Variants in ZZZ3 observed in about 807,000 individuals in gnomAD.
The protein encoded by ZZZ3 is ZZ-type zinc finger-containing protein 3.
In ZZZ3, 22 loss-of-function variants were observed where a neutral mutation model predicts 95.2. That is an observed-to-expected ratio of 0.23 (90% CI 0.17 to 0.33). ZZZ3 has a LOEUF of 0.33. Ranked by LOEUF, ZZZ3 falls within the 10% of genes least tolerant of loss-of-function variation. ZZZ3 has a pLI of 1.00. For missense variants in ZZZ3, 885 were observed against 1,066.5 expected (o/e 0.83, Z 2.37); for synonymous variants, 335 against 358.9 (o/e 0.93, Z 0.75).
At chr1:77,577,235 C>G (rs187824558) in intron 11 of ZZZ3, among the ~76,000 whole-genome samples, 1 of 152,174 alleles carries the variant, frequency 6.6e-6, no homozygotes, top group Non-Finnish European at 1.5e-5. Flanking sequence ...AGCCAAAATA[C>G]AGTACACCTA....
At chr1:77,589,196 C>T (rs1663408452) in intron 5 of ZZZ3, among the ~76,000 whole-genome samples, 1 of 152,168 alleles carries the variant, frequency 6.6e-6, no homozygotes, top group African/African-American at 2.4e-5. Flanking sequence ...TTTACTTTTA[C>T]ATCTCAAACA....
At position 77,633,189 on chromosome 1, in the gene ZZZ3, G is replaced by T; in HGVS notation, c.166C>A (p.Pro56Thr). The T allele has an allele frequency of 3.1e-6, 5 of 1,614,028 alleles. No individual in the cohort carries two copies. The highest frequency in any genetic ancestry group is 4.2e-6 in the Non-Finnish European group (5 of 1,179,984). The change falls in exon 5 of 15, where the codon CCT becomes ACT. Residue 56 changes from proline to threonine, a missense_variant. Pro to Thr is a conservative substitution (Grantham distance 38). Around this residue, in one of 5 missense-constraint regions of ZZZ3, gnomAD observed 556 missense variants for 652.9 expected, o/e 0.85. Transcript: ENST00000370801. Reference sequence around the variant, plus strand: ...TTATTTCCTTTCTGAATTGGCACAGGCTCTGGTCTCTTCTTTGGTGATCTT... The same window carrying T: ...TTATTTCCTTTCTGAATTGGCACAGTCTCTGGTCTCTTCTTTGGTGATCTT... ...RSRSPKKRPE[P>T]VPIQKGNNNG...
chr1:77,637,503 A>G (rs1668410924), intron 4 of ZZZ3, among the ~76,000 whole-genome samples: 1 of 152,154 alleles, frequency 6.6e-6, no homozygotes, highest in Non-Finnish European at 1.5e-5. Context: ...TGCAAAATTC[A>G]GTTAATAAAA....
In ZZZ3 at chr1:77,597,609, A is replaced by G. The variant is rs561723283; in HGVS notation, c.1506-12954T>C. Among the ~76,000 whole-genome samples the G allele has an allele frequency of 2.6e-5, 4 of 152,226 alleles. No homozygotes were observed. The South Asian group carries it at 8.3e-4, about 32-fold the overall frequency. On this transcript the variant is annotated intron_variant, in intron 5 of 14. Coordinates refer to ENST00000370801, the MANE Select transcript of ZZZ3 (RefSeq NM_015534.6). ...GTGATAGAAATGGCATTTTACTTCT[A>G]TTGTTTTCCTTTCAAAAACCCATAA...
intron 11 of ZZZ3, among the ~76,000 whole-genome samples, chr1:77,577,783 G>A (rs576489514): frequency 1.3e-5 from 2 of 152,264 alleles, no homozygotes; most frequent in Admixed American, 6.5e-5. Context: ...ACCACACCCG[G>A]CTAATTTTTG....
At chr1:77,624,164 G>GA (rs1261974675) in intron 5 of ZZZ3, among the ~76,000 whole-genome samples, 2 of 152,162 alleles carry the variant, frequency 1.3e-5, no homozygotes, top group African/African-American at 4.8e-5. Flanking sequence ...AGGGATGCTA[G>GA]AAAAATCTTT....
chr1:77,580,113 C>T (rs779514985), intron 9 of ZZZ3: 1 of 152,400 alleles, frequency 6.6e-6, no homozygotes, highest in African/African-American at 2.4e-5. Flanking sequence ...TTTTAATATT[C>T]CTTCTTGTCT....
At chr1:77,615,589 T>A (rs1666231434) in intron 5 of ZZZ3, among the ~76,000 whole-genome samples, 1 of 152,240 alleles carries the variant, frequency 6.6e-6, no homozygotes, top group Non-Finnish European at 1.5e-5. Flanking sequence ...TGAAAGGACA[T>A]AAGTTTCACT....
chr1:77,594,404 T>C (rs1416043670), intron 5 of ZZZ3, among the ~76,000 whole-genome samples: 8 of 152,118 alleles, frequency 5.3e-5, no homozygotes, highest in Admixed American at 5.2e-4. Flanking sequence ...TCTTATTTTA[T>C]TATATTGTGT....
chr1:77,646,880 T>G (rs1051282643), intron 1 of ZZZ3, among the ~76,000 whole-genome samples: 4 of 151,722 alleles, frequency 2.6e-5, no homozygotes, highest in African/African-American at 9.7e-5. Context: ...AAGTGAGGAG[T>G]TTAGGGGAGG....
intron 3 of ZZZ3, among the ~76,000 whole-genome samples, chr1:77,640,314 G>A (rs1352534066): frequency 6.6e-6 from 1 of 151,912 alleles, no homozygotes; most frequent in Non-Finnish European, 1.5e-5. Flanking sequence ...TTCAAAGAAT[G>A]TACAGGCCAG....
chr1:77,565,479 C>G lies in ZZZ3; in HGVS notation c.*161G>C. 1.5e-6 allele frequency: 1 copy of G among 661,936 alleles called. No individual in the cohort carries two copies. Among genetic ancestry groups the G allele is most frequent in the South Asian group, 2.3e-5 (1 of 43,640 alleles). 41.0% of individuals were successfully genotyped at this position (661,936 alleles called of 1,614,324 possible). A position where few individuals can be genotyped will look rare whatever the true frequency, so the allele number is the denominator to read the frequency against. On this transcript the variant is annotated 3_prime_UTR_variant, in exon 15 of 15. Coordinates refer to ENST00000370801, the MANE Select transcript of ZZZ3 (RefSeq NM_015534.6). ...GCTGCTGAACAGTGATCTAGAGCCA[C>G]AACGGTGCAGAGCTGTACTTGACGA...
At position 77,592,010 on chromosome 1, in the gene ZZZ3, T is replaced by C. The variant is rs74090669; in HGVS notation, c.1506-7355A>G. Reference sequence around the variant, plus strand: ...GGAACGTAAGACAAAGCCACCAAGATAGATAGTCTCTCCCCATTAAGCTGG... The same window carrying C: ...GGAACGTAAGACAAAGCCACCAAGACAGATAGTCTCTCCCCATTAAGCTGG... On this transcript the variant is annotated intron_variant, in intron 5 of 14. Coordinates refer to ENST00000370801, the MANE Select transcript of ZZZ3 (RefSeq NM_015534.6). Among the ~76,000 whole-genome samples the C allele has an allele frequency of 3.4e-3, 523 of 152,226 alleles. 2 individuals are homozygous for C. The highest frequency in any genetic ancestry group is 0.012 in the African/African-American group (497 of 41,528).
At chr1:77,679,854 T>C (rs1346482900) in intron 1 of ZZZ3, among the ~76,000 whole-genome samples, 1 of 152,226 alleles carries the variant, frequency 6.6e-6, no homozygotes, top group African/African-American at 2.4e-5. Context: ...TCTCAGTATA[T>C]TTCTACCAAG....
At chr1:77,625,553 T>C (rs536646752) in intron 5 of ZZZ3, among the ~76,000 whole-genome samples, 1 of 151,784 alleles carries the variant, frequency 6.6e-6, no homozygotes, top group South Asian at 2.1e-4. Flanking sequence ...GAAAAGAACA[T>C]AGAAAAGAAA....
chr1:77,648,731 T>C (rs565672417), intron 1 of ZZZ3, among the ~76,000 whole-genome samples: 2 of 152,226 alleles, frequency 1.3e-5, no homozygotes, highest in African/African-American at 4.8e-5. Flanking sequence ...GCCTAAAACA[T>C]GGGTAACTGA....
intron 1 of ZZZ3, among the ~76,000 whole-genome samples, chr1:77,680,788 A>G (rs1672684883): frequency 6.6e-6 from 1 of 152,194 alleles, no homozygotes; most frequent in Non-Finnish European, 1.5e-5. Context: ...GTTACAGTTT[A>G]GAATATATAA....
intron 1 of ZZZ3, among the ~76,000 whole-genome samples, chr1:77,672,587 A>T (rs976885111): frequency 6.6e-6 from 1 of 152,264 alleles, no homozygotes; most frequent in African/African-American, 2.4e-5. Context: ...CTAAGGGCAG[A>T]GCCCAGAAAT....
At chr1:77,658,527 TTC>T (rs1260439049) in intron 1 of ZZZ3, among the ~76,000 whole-genome samples, 22 of 80,662 alleles carry the variant, frequency 2.7e-4, no homozygotes, top group Admixed American at 9.4e-4. Flanking sequence ...TTTTTTTTTT[TTC>T]TTCTTCTTCT....
Sources: gnomAD v4.1 joint callset for allele counts (sites outside exome capture counted in the v4.1 genomes callset) on GRCh38, gnomAD v4.1.1 for gene constraint, gnomAD v4.1.1 regional missense constraint, MANE v1.5 for transcripts, NCBI Gene and HGNC (gene_info 2026-07-23, HGNC 2026-07-21) for gene names.